The following CALN1 variants were observed in gnomAD, a reference collection of about 807,000 sequenced individuals.
CALN1 encodes calcium-binding protein 8.
In CALN1, 17 loss-of-function variants were observed where a neutral mutation model predicts 30.6. The observed-to-expected ratio is 0.56, with a 90% confidence interval of 0.38 to 0.83. The LOEUF is 0.83. Among genes scored for constraint, CALN1 ranks in the 40% least tolerant of loss-of-function variants. CALN1 has a pLI of 0.00. For missense variants in CALN1, 291 were observed against 354.9 expected (o/e 0.82, Z 1.45); for synonymous variants, 156 against 131.4 (o/e 1.19, Z -1.28).
intron 2 of CALN1, among the ~76,000 whole-genome samples, chr7:72,366,516 A>G (rs1464533734): frequency 1.4e-5 from 2 of 137,988 alleles, no homozygotes; most frequent in African/African-American, 5.6e-5. Context: ...CTGTTGGGGT[A>G]CAAGTAGTTT....
rs200946747 is a variant in CALN1, at chr7:72,319,224, T to A, written c.120-40414A>T. On this transcript the variant is annotated intron_variant, in intron 2 of 6. Transcript: ENST00000395275. The stretch of plus-strand genomic sequence containing the variant: ...CGTTTTCATGCTGCTGATAAACACA[T>A]ACCCGAGACTGGACAATTTACAAAA... Among the ~76,000 whole-genome samples the A allele has an allele frequency of 5.3e-5, 8 of 152,292 alleles. No individual in the cohort carries two copies. The East Asian group carries it at 1.4e-3, about 26-fold the overall frequency.
chr7:71,856,041 A>G (rs1036628440), intron 5 of CALN1, among the ~76,000 whole-genome samples: 2 of 151,990 alleles, frequency 1.3e-5, no homozygotes, highest in African/African-American at 2.4e-5. Context: ...TTGTATATGT[A>G]GATATGTATA....
chr7:71,970,683 C>A (rs145999428), intron 5 of CALN1, among the ~76,000 whole-genome samples: 1 of 151,782 alleles, frequency 6.6e-6, no homozygotes, highest in African/African-American at 2.4e-5. Flanking sequence ...TTTCCCACTT[C>A]GTCCCCGCGC....
chr7:72,143,484 C>G lies in CALN1; in HGVS notation c.245-37190G>C, dbSNP rs576706853. On this transcript the variant is annotated intron_variant, in intron 3 of 6. Transcript: ENST00000395275. ...AAAATATGGGACTATGTGAAAAGAC[C>G]AAATCTACGACTGATTGGTGTACCT... Among the ~76,000 whole-genome samples, 5 of 152,152 alleles carry G rather than the reference C, an allele frequency of 3.3e-5. No homozygotes were observed. The East Asian group carries it at 5.8e-4, about 18-fold the overall frequency.
chr7:72,024,366 C>G (rs1357885413), intron 4 of CALN1, among the ~76,000 whole-genome samples: 1 of 152,144 alleles, frequency 6.6e-6, no homozygotes, highest in Non-Finnish European at 1.5e-5. Flanking sequence ...TCCCCAAGAC[C>G]AAATCTCATC....
At chr7:72,368,808 C>T (rs1049927404) in intron 2 of CALN1, among the ~76,000 whole-genome samples, 2 of 145,224 alleles carry the variant, frequency 1.4e-5, no homozygotes, top group South Asian at 2.2e-4. Context: ...GGTTTGAAAC[C>T]CTTTTTTTTT....
chr7:72,415,798 G>A (rs951479555), upstream of CALN1, among the ~76,000 whole-genome samples: 16 of 152,208 alleles, frequency 1.1e-4, no homozygotes, highest in South Asian at 1.7e-3. Flanking sequence ...GGGGCGCGGG[G>A]GGCATAGAAC....
chr7:72,203,042 T>C (rs762613103), intron 3 of CALN1, among the ~76,000 whole-genome samples: 5 of 152,116 alleles, frequency 3.3e-5, no homozygotes, highest in Non-Finnish European at 5.9e-5. Flanking sequence ...TGCAGGGACA[T>C]GGATAAAACT....
At chr7:72,022,919 TTAAA>T (rs1562984638) in intron 5 of CALN1, among the ~76,000 whole-genome samples, 294 of 109,954 alleles carry the variant, frequency 2.7e-3, no homozygotes, top group African/African-American at 0.01. Flanking sequence ...ATAAATAAAA[TTAAA>T]AAAAAAAAAA....
At chr7:72,363,035 A>G (rs963508656) in intron 2 of CALN1, among the ~76,000 whole-genome samples, 1 of 152,104 alleles carries the variant, frequency 6.6e-6, no homozygotes, top group Non-Finnish European at 1.5e-5. Flanking sequence ...TCTTTTTTTA[A>G]TTTAACTTTT....
intron 6 of CALN1, among the ~76,000 whole-genome samples, chr7:71,798,091 GAGAGAGAGAC>G (rs1787045190): frequency 2.1e-5 from 2 of 97,076 alleles, no homozygotes; most frequent in African/African-American, 5.8e-5. Flanking sequence ...GAGAGAGACA[GAGAGAGAGAC>G]AGAGAGAGAC....
chr7:71,823,162 T>C, intron 5 of CALN1, among the ~76,000 whole-genome samples: 1 of 151,084 alleles, frequency 6.6e-6, no homozygotes, highest in East Asian at 2.0e-4. Flanking sequence ...CTCCAGTTTC[T>C]TCTCTCTCTC....
intron 5 of CALN1, among the ~76,000 whole-genome samples, chr7:71,827,791 T>TAAAC (rs1250273644): frequency 6.7e-6 from 1 of 149,024 alleles, no homozygotes; most frequent in Non-Finnish European, 1.5e-5. Context: ...AATAAATAAA[T>TAAAC]AAATAAATAA....
chr7:72,495,620 G>C, the CALN1 span, among the ~76,000 whole-genome samples: 1 of 152,140 alleles, frequency 6.6e-6, no homozygotes, highest in South Asian at 2.1e-4. Context: ...GTTAGTCAAG[G>C]CTCTTCTGGT....
At chr7:72,023,184 T>G (rs1029245223) in intron 5 of CALN1, among the ~76,000 whole-genome samples, 10 of 152,100 alleles carry the variant, frequency 6.6e-5, no homozygotes, top group African/African-American at 2.4e-4. Context: ...TCCTAAGAGA[T>G]TTTACAAGAT....
At position 72,239,616 on chromosome 7, in the gene CALN1, G is replaced by A. The variant is rs142862912; in HGVS notation, c.244+39070C>T. Among the ~76,000 whole-genome samples, 101 of 152,042 alleles carry A rather than the reference G, an allele frequency of 6.6e-4. 2 individuals carry two copies. The East Asian group carries it at 0.018, about 28-fold the overall frequency. Reference sequence around the variant, plus strand: ...ATTATCTGGGTATAACTTTTCTAAGGTGTTAATTTCTTAAATCCCCAAGGT... The same window carrying A: ...ATTATCTGGGTATAACTTTTCTAAGATGTTAATTTCTTAAATCCCCAAGGT... On this transcript the variant is annotated intron_variant, in intron 3 of 6. Coordinates refer to ENST00000395275, the MANE Select transcript of CALN1 (RefSeq NM_031468.4).
intron 2 of CALN1, among the ~76,000 whole-genome samples, chr7:72,290,551 G>A (rs1209606320): frequency 6.6e-6 from 1 of 152,178 alleles, no homozygotes; most frequent in African/African-American, 2.4e-5. Flanking sequence ...CCCTTGAACA[G>A]TTATGCAAGC....
chr7:72,288,149 T>C (rs2129554675), intron 2 of CALN1, among the ~76,000 whole-genome samples: 1 of 152,218 alleles, frequency 6.6e-6, no homozygotes, highest in Admixed American at 6.5e-5. Context: ...GCCACCATCA[T>C]CAGAAGGCCT....
At chr7:72,257,962 G>A (rs534992550) in intron 3 of CALN1, among the ~76,000 whole-genome samples, 7 of 147,418 alleles carry the variant, frequency 4.7e-5, no homozygotes, top group Non-Finnish European at 1.1e-4. Flanking sequence ...GGGGACTCGA[G>A]GGGGAAGAGT....
Sources: gnomAD v4.1 joint callset for allele counts (sites outside exome capture counted in the v4.1 genomes callset) on GRCh38, gnomAD v4.1.1 for gene constraint, MANE v1.5 for transcripts, NCBI Gene and HGNC (gene_info 2026-07-23, HGNC 2026-07-21) for gene names.